The following PSAP variants were observed in gnomAD, a reference collection of about 807,000 sequenced individuals.
PSAP encodes the protein prosaposin.
A neutral mutation model predicts 66.0 loss-of-function variants in PSAP; 25 were observed. That is an observed-to-expected ratio of 0.38 (90% CI 0.28 to 0.53). PSAP has a LOEUF of 0.53. Ranked by LOEUF, PSAP falls within the 20% of genes least tolerant of loss-of-function variation. The probability of loss-of-function intolerance (pLI) is 0.83; values close to 1 mark genes in which losing one functional copy is unlikely to be tolerated. For synonymous variants in PSAP, 273 were observed against 258.9 expected (o/e 1.05, Z -0.52); for missense variants, 649 against 668.8 (o/e 0.97, Z 0.33).
chr10:71,829,907 A>C (rs1842477217), intron 4 of PSAP, among the ~76,000 whole-genome samples: 1 of 152,188 alleles, frequency 6.6e-6, no homozygotes, highest in African/African-American at 2.4e-5. Flanking sequence ...CTGAGATGGG[A>C]GAATCACTTG....
chr10:71,843,014 C>T (rs890664239), intron 1 of PSAP, among the ~76,000 whole-genome samples: 2 of 152,124 alleles, frequency 1.3e-5, no homozygotes, highest in Non-Finnish European at 2.9e-5. Context: ...CCAAAACTGC[C>T]GCACATGCTG....
rs770849054 is a variant in PSAP at position 71,817,496 on chromosome 10, T to C, written c.1540-20A>G. ...GACAGCCTGGTAGGAGAGAGGAAGC[T>C]GAGTTTAGTCTTCGGATGAAAAACT... is the stretch of plus-strand genomic sequence containing the variant. On this transcript the variant is annotated intron_variant, in intron 13 of 13. Coordinates refer to ENST00000394936, the MANE Select transcript of PSAP (RefSeq NM_002778.4). 2.5e-6 allele frequency: 4 copies of C among 1,613,650 alleles called. No homozygotes were observed. The highest frequency in any genetic ancestry group is 1.1e-5 in the South Asian group (1 of 91,074).
At chr10:71,829,768 G>A (rs1289976493) in intron 4 of PSAP, among the ~76,000 whole-genome samples, 3 of 152,068 alleles carry the variant, frequency 2.0e-5, no homozygotes, top group Admixed American at 6.6e-5. Context: ...TGAGGCCGAG[G>A]CGGGCGGATC....
intron 1 of PSAP, among the ~76,000 whole-genome samples, chr10:71,843,111 A>T (rs1243482195): frequency 6.6e-6 from 1 of 152,188 alleles, no homozygotes; most frequent in African/African-American, 2.4e-5. Flanking sequence ...GGGGTGGGGC[A>T]GCTATTTCAG....
Position 71,817,460 on chromosome 10 carries a change from T to C in PSAP, c.1556A>G (p.Lys519Arg), listed in dbSNP as rs754577718. 1 of 1,614,202 alleles carries C rather than the reference T, an allele frequency of 6.2e-7. No homozygotes were observed. The highest frequency in any genetic ancestry group is 2.2e-5 in the East Asian group (1 of 44,892). ...CTCCTCCTAGTTCCACACATGGCGT[T>C]TGCAATGCTCGACAGCCTGGTAGGA... ...AAQCNAVEHC[K>R]RHVWN The change falls in exon 14 of 14, where the codon AAA (lysine) becomes AGA (arginine). Residue 519 changes from lysine (K) to arginine (R), a missense_variant. Coordinates refer to ENST00000394936, the MANE Select transcript of PSAP (RefSeq NM_002778.4).
chr10:71,851,242 T>C lies in PSAP; in HGVS notation c.-21A>G. 4 of 1,550,726 alleles carry C rather than the reference T, an allele frequency of 2.6e-6. No individual in the cohort carries two copies. The highest frequency in any genetic ancestry group is 3.5e-6 in the Non-Finnish European group (4 of 1,146,646). On this transcript the variant is annotated 5_prime_UTR_variant, in exon 1 of 14. Coordinates refer to ENST00000394936, the MANE Select transcript of PSAP (RefSeq NM_002778.4). ...TACATAGCGCCGTCTGACTCCGCAG[T>C]CTGCAATGCGGAGCGTCAGCTGATC...
In PSAP at chr10:71,816,323, A is replaced by T. The variant is rs1842152083; in HGVS notation, c.*1118T>A. 3 of 459,506 alleles carry T rather than the reference A, an allele frequency of 6.5e-6. No homozygotes were observed. The highest frequency in any genetic ancestry group is 9.2e-6 in the Non-Finnish European group (2 of 217,414). The allele number at this position is 459,506 out of a possible 1,614,324, so 28.5% of individuals were successfully genotyped here. A position where few individuals can be genotyped will look rare whatever the true frequency, so the allele number is the denominator to read the frequency against. On this transcript the variant is annotated 3_prime_UTR_variant, in exon 14 of 14. Coordinates refer to ENST00000394936, the MANE Select transcript of PSAP (RefSeq NM_002778.4). Reference sequence around the variant, plus strand: ...TCTGGCTAACAGAATTTTATTGTTAAATCACAGAAACTTTAGTGCAAAACA... The same window carrying T: ...TCTGGCTAACAGAATTTTATTGTTATATCACAGAAACTTTAGTGCAAAACA...
At chr10:71,842,638 C>G (rs1842750424) in intron 1 of PSAP, among the ~76,000 whole-genome samples, 1 of 152,024 alleles carries the variant, frequency 6.6e-6, no homozygotes, top group Non-Finnish European at 1.5e-5. Flanking sequence ...TAGCTGCTTC[C>G]CTTTTCAGAT....
At position 71,816,655 on chromosome 10, in the gene PSAP, A is replaced by G. The variant is rs943688791; in HGVS notation, c.*786T>C. Reference sequence around the variant, plus strand: ...CAGCCAGGGACATGTAGGCAACACGAGCAGGCACAGCGCGGCCACCACTGT... The same window carrying G: ...CAGCCAGGGACATGTAGGCAACACGGGCAGGCACAGCGCGGCCACCACTGT... On this transcript the variant is annotated 3_prime_UTR_variant, in exon 14 of 14. Coordinates refer to ENST00000394936, the MANE Select transcript of PSAP (RefSeq NM_002778.4). The G allele has an allele frequency of 1.1e-5, 4 of 352,564 alleles. No homozygotes were observed. The highest frequency in any genetic ancestry group is 8.6e-5 in the African/African-American group (4 of 46,710). 21.8% of individuals were successfully genotyped at this position (352,564 alleles called of 1,614,324 possible).
intron 1 of PSAP, among the ~76,000 whole-genome samples, chr10:71,835,219 AAAATAAATAAAT>A (rs71018228): frequency 0.06 from 8,814 of 147,378 alleles, 377 homozygotes; most frequent in East Asian, 0.2. Flanking sequence ...TCCGTTTCAA[AAAATAAATAAAT>A]AAATAAATAA....
intron 5 of PSAP, among the ~76,000 whole-genome samples, 162 bp downstream of exon 5, chr10:71,828,715 A>T (rs1842447008): frequency 6.6e-6 from 1 of 152,186 alleles, no homozygotes; most frequent in African/African-American, 2.4e-5. Flanking sequence ...ATTCTTTAGA[A>T]ACTTCATGGT....
chr10:71,825,978 A>G (rs1451371999), intron 6 of PSAP, 85 bp from the exon 7 acceptor site: 35 of 1,132,588 alleles, frequency 3.1e-5, no homozygotes, highest in Non-Finnish European at 4.0e-5. Flanking sequence ...AGCATTTCCA[A>G]CAGTGTCAAC....
intron 7 of PSAP, 153 bp from the exon 8 acceptor site, chr10:71,822,160 T>C (rs1842314633): frequency 9.8e-7 from 1 of 1,018,236 alleles, no homozygotes; most frequent in African/African-American, 1.6e-5. Context: ...AGATTCCAGT[T>C]TCCATGTTAA....
rs1381373223 is a variant in PSAP at position 71,831,024 on chromosome 10, A to G, written c.375+102T>C. On this transcript the variant is annotated intron_variant, in intron 4 of 13. Coordinates refer to ENST00000394936, the MANE Select transcript of PSAP (RefSeq NM_002778.4). Reference sequence around the variant, plus strand: ...GCAAAATGCTGTTGAGGAATTCCAGAGCTAAGAACAGACTTTCCATTTTAA... The same window carrying G: ...GCAAAATGCTGTTGAGGAATTCCAGGGCTAAGAACAGACTTTCCATTTTAA... 595 of 1,538,774 alleles carry G rather than the reference A, an allele frequency of 3.9e-4. 1 individual carries two copies. The highest frequency in any genetic ancestry group is 3.3e-5 in the Non-Finnish European group (37 of 1,120,522).
chr10:71,844,429 G>A (rs576165025), intron 1 of PSAP, among the ~76,000 whole-genome samples: 146 of 152,340 alleles, frequency 9.6e-4, no homozygotes, highest in African/African-American at 3.3e-3. Context: ...ACTTTGGGGG[G>A]CTGAGGTGGG....
chr10:71,840,326 A>C (rs1462895804), intron 1 of PSAP, among the ~76,000 whole-genome samples: 3 of 152,178 alleles, frequency 2.0e-5, no homozygotes, highest in African/African-American at 7.2e-5. Flanking sequence ...CCAAGAGAGG[A>C]TAACCCCTGG....
At chr10:71,833,249 G>A (rs1412986731) in intron 2 of PSAP, among the ~76,000 whole-genome samples, 3 of 152,088 alleles carry the variant, frequency 2.0e-5, no homozygotes, top group Non-Finnish European at 4.4e-5. Context: ...CCTTAGCCCA[G>A]GAGTTCAAGA....
At chr10:71,841,939 G>A (rs1450167320) in intron 1 of PSAP, among the ~76,000 whole-genome samples, 3 of 151,808 alleles carry the variant, frequency 2.0e-5, no homozygotes, top group African/African-American at 7.3e-5. Flanking sequence ...CTGCAAGGCA[G>A]AGGTTGCAGT....
intron 1 of PSAP, among the ~76,000 whole-genome samples, chr10:71,840,005 G>A (rs776066186): frequency 3.3e-5 from 5 of 152,146 alleles, no homozygotes; most frequent in African/African-American, 4.8e-5. Context: ...TGAGGATACC[G>A]AAAAGCCCAG....
Sources: allele counts gnomAD v4.1 joint callset (sites outside exome capture counted in the v4.1 genomes callset), GRCh38; gene constraint gnomAD v4.1.1; transcripts MANE v1.5; gene names NCBI Gene and HGNC (gene_info 2026-07-23, HGNC 2026-07-21).